The following MEIKIN variants were observed in gnomAD, a reference collection of about 807,000 sequenced individuals.
MEIKIN encodes the protein meiotic kinetochore factor, also known as meiosis-specific kinetochore protein.
intron 11 of MEIKIN, among the ~76,000 whole-genome samples, chr5:131,831,189 A>G (rs1749710306): frequency 6.6e-6 from 1 of 152,188 alleles, no homozygotes; most frequent in Admixed American, 6.5e-5. Context: ...TGAGTTGAAG[A>G]GGACTTTCTA....
At chr5:131,849,722 C>T (rs1750079160) in intron 11 of MEIKIN, among the ~76,000 whole-genome samples, 1 of 151,488 alleles carries the variant, frequency 6.6e-6, no homozygotes, top group South Asian at 2.1e-4. Flanking sequence ...CCACAGTAAA[C>T]ATCACATTCA....
chr5:131,889,385 A>C (rs1004479392), intron 8 of MEIKIN, among the ~76,000 whole-genome samples: 11 of 151,984 alleles, frequency 7.2e-5, no homozygotes, highest in South Asian at 2.1e-4. Flanking sequence ...CGTTTATTTC[A>C]TTGAGCAGTG....
chr5:131,830,170 G>A (rs1012830375), intron 11 of MEIKIN, among the ~76,000 whole-genome samples: 1 of 152,062 alleles, frequency 6.6e-6, no homozygotes, highest in Non-Finnish European at 1.5e-5. Context: ...TGAGCAGATC[G>A]CTTGATCGCA....
chr5:131,926,384 C>T (rs687816), intron 5 of MEIKIN, among the ~76,000 whole-genome samples: 32,978 of 151,986 alleles, frequency 0.22, 3,825 homozygotes, highest in East Asian at 0.49. Flanking sequence ...CAGAGATAAA[C>T]GCCACCTGGT....
chr5:131,864,089 AGTTGAATCAT>A (rs900094147), intron 9 of MEIKIN, among the ~76,000 whole-genome samples: 38 of 152,228 alleles, frequency 2.5e-4, no homozygotes, highest in Admixed American at 9.2e-4. Flanking sequence ...GGCAGCATAT[AGTTGAATCAT>A]GTTTTTTTAA....
At chr5:131,870,051 ACAATTG>A (rs1434562666) in intron 9 of MEIKIN, among the ~76,000 whole-genome samples, 1 of 152,184 alleles carries the variant, frequency 6.6e-6, no homozygotes, top group Non-Finnish European at 1.5e-5. Flanking sequence ...TGGAAGTCCT[ACAATTG>A]ACTTTTAAAT....
intron 9 of MEIKIN, among the ~76,000 whole-genome samples, chr5:131,860,754 CTTTTTTTTT>C (rs35117395): frequency 2.0e-5 from 1 of 50,982 alleles, no homozygotes; most frequent in Non-Finnish European, 3.2e-5. Context: ...GCCTGTTTGG[CTTTTTTTTT>C]TTTTTTTTTT....
chr5:131,934,284 T>G (rs914473851), intron 4 of MEIKIN, among the ~76,000 whole-genome samples: 3 of 152,096 alleles, frequency 2.0e-5, no homozygotes, highest in Non-Finnish European at 4.4e-5. Context: ...TATATATAAG[T>G]AACCCATTAA....
At chr5:131,861,513 G>A (rs905133193) in intron 9 of MEIKIN, among the ~76,000 whole-genome samples, 4 of 152,212 alleles carry the variant, frequency 2.6e-5, no homozygotes, top group Non-Finnish European at 5.9e-5. Flanking sequence ...CATGGGGAAG[G>A]TGGGCATTCT....
At chr5:131,817,651 C>G (rs992395802) in intron 12 of MEIKIN, among the ~76,000 whole-genome samples, 1 of 151,696 alleles carries the variant, frequency 6.6e-6, no homozygotes, top group Non-Finnish European at 1.5e-5. Flanking sequence ...ATCTCTATCT[C>G]CTTTAGGTTC....
At chr5:131,893,258 C>T (rs542410417) in intron 8 of MEIKIN, among the ~76,000 whole-genome samples, 10 of 143,226 alleles carry the variant, frequency 7.0e-5, no homozygotes, top group Middle Eastern at 3.5e-3. Flanking sequence ...GCTTCCCAGC[C>T]GCTTTGTTTA....
At chr5:131,828,363 A>AT (rs921526792) in intron 11 of MEIKIN, among the ~76,000 whole-genome samples, 3 of 152,004 alleles carry the variant, frequency 2.0e-5, no homozygotes, top group African/African-American at 7.3e-5. Context: ...GGATTTCACC[A>AT]TGTTGCCCAG....
chr5:131,924,877 A>G (rs1420008310), intron 5 of MEIKIN, among the ~76,000 whole-genome samples: 1 of 152,164 alleles, frequency 6.6e-6, no homozygotes, highest in Non-Finnish European at 1.5e-5. Context: ...TTGGTAGCAT[A>G]TCCACGAAAT....
intron 9 of MEIKIN, among the ~76,000 whole-genome samples, chr5:131,865,076 T>G (rs1179622052): frequency 2.0e-5 from 3 of 152,210 alleles, no homozygotes; most frequent in Non-Finnish European, 4.4e-5. Flanking sequence ...TGGTTCTTTT[T>G]TCAATAATAT....
chr5:131,901,797 G>A (rs558970605), intron 8 of MEIKIN, among the ~76,000 whole-genome samples: 18 of 151,956 alleles, frequency 1.2e-4, no homozygotes, highest in African/African-American at 4.1e-4. Flanking sequence ...TATACAACAA[G>A]AAAACCCCCA....
chr5:131,860,312 G>A lies in MEIKIN; in HGVS notation c.775-5478C>T, dbSNP rs187862546. On this transcript the variant is annotated intron_variant, in intron 9 of 12. Transcript: ENST00000442687. Reference sequence around the variant, plus strand: ...TTTTTTTTTTTGGTTTTGTTGGTTTGTTTTGCAGCTGTTGTAAATGTGATT... The same window carrying A: ...TTTTTTTTTTTGGTTTTGTTGGTTTATTTTGCAGCTGTTGTAAATGTGATT... Among the ~76,000 whole-genome samples the A allele has an allele frequency of 9.4e-4, 104 of 111,078 alleles. 1 individual carries two copies. The highest frequency in any genetic ancestry group is 3.6e-3 in the African/African-American group (96 of 26,442). The allele number at this position is 111,078 out of a possible 152,430, so 72.9% of individuals were successfully genotyped here.
At chr5:131,907,732 C>T (rs1751266567) in intron 8 of MEIKIN, among the ~76,000 whole-genome samples, 1 of 151,460 alleles carries the variant, frequency 6.6e-6, no homozygotes, top group Non-Finnish European at 1.5e-5. Flanking sequence ...ATTAGCCGGG[C>T]GTGGTGGCAT....
At chr5:131,893,954 T>TA (rs1285576068) in intron 8 of MEIKIN, among the ~76,000 whole-genome samples, 2 of 152,244 alleles carry the variant, frequency 1.3e-5, no homozygotes, top group Non-Finnish European at 2.9e-5. Flanking sequence ...TTTGTTGTTT[T>TA]AGTCATGAAG....
At chr5:131,838,625 C>T (rs934317010) in intron 11 of MEIKIN, among the ~76,000 whole-genome samples, 1 of 151,984 alleles carries the variant, frequency 6.6e-6, no homozygotes, top group African/African-American at 2.4e-5. Flanking sequence ...TCCAGAATTT[C>T]TAGTTTGTGT....
Sources: gnomAD v4.1 joint callset for allele counts (sites outside exome capture counted in the v4.1 genomes callset) on GRCh38, gnomAD v4.1.1 for gene constraint, MANE v1.5 for transcripts, NCBI Gene and HGNC (gene_info 2026-07-23, HGNC 2026-07-21) for gene names.